The following ELF2 variants were observed in gnomAD, a reference collection of about 807,000 sequenced individuals.
ELF2 encodes ETS-related transcription factor Elf-2.
In ELF2, 11 loss-of-function variants were observed where a neutral mutation model predicts 54.8. The ratio of observed to expected loss-of-function variants is 0.20; its 90% confidence interval spans 0.13 to 0.33. The LOEUF (loss-of-function observed/expected upper bound fraction) is 0.33. Ranked by LOEUF, ELF2 falls within the 10% of genes least tolerant of loss-of-function variation. The pLI is 1.00. For missense variants in ELF2, 513 were observed against 703.0 expected, an observed-to-expected ratio of 0.73 and a Z score of 3.06; for synonymous variants, 203 against 245.1, an observed-to-expected ratio of 0.83 and a Z score of 1.61.
chr4:139,141,497 T>C (rs963820803), intron 1 of ELF2, among the ~76,000 whole-genome samples: 26 of 152,160 alleles, frequency 1.7e-4, no homozygotes, highest in African/African-American at 6.3e-4. Context: ...CCATATGTGT[T>C]GTACAGTCAA....
At chr4:139,150,905 G>A (rs1370918976) in intron 1 of ELF2, among the ~76,000 whole-genome samples, 4 of 151,276 alleles carry the variant, frequency 2.6e-5, no homozygotes, top group African/African-American at 9.8e-5. Flanking sequence ...GGCGCCTGTA[G>A]TCCCAGCTAC....
At chr4:139,074,454 A>G (rs1481583243) in intron 4 of ELF2, among the ~76,000 whole-genome samples, 1 of 152,106 alleles carries the variant, frequency 6.6e-6, no homozygotes, top group East Asian at 1.9e-4. Context: ...CAGCAGAGTC[A>G]AACAACCTCA....
chr4:139,146,915 T>C (rs1739276802), intron 1 of ELF2, among the ~76,000 whole-genome samples: 1 of 152,056 alleles, frequency 6.6e-6, no homozygotes, highest in South Asian at 2.1e-4. Context: ...CCTAAAACCA[T>C]AAAAGTCCTA....
At chr4:139,066,605 G>A (rs985302000) in intron 7 of ELF2, 6 of 152,046 alleles carry the variant, frequency 3.9e-5, no homozygotes, top group Non-Finnish European at 8.8e-5. Context: ...AGCAAAAATA[G>A]GCAAGGGGCA....
At chr4:139,059,719 A>C in intron 9 of ELF2, 112 bp from the exon 10 acceptor site, 1 of 1,287,160 alleles carries the variant, frequency 7.8e-7, no homozygotes, top group Non-Finnish European at 1.1e-6. Flanking sequence ...GTGCTCCCAA[A>C]TTTTACAGAG....
At chr4:139,067,867 G>T in intron 6 of ELF2, 97 bp from the exon 7 acceptor site, 1 of 1,168,332 alleles carries the variant, frequency 8.6e-7, no homozygotes, top group South Asian at 1.6e-5. Flanking sequence ...TCATTTAAAT[G>T]GATACTAATT....
intron 4 of ELF2, among the ~76,000 whole-genome samples, chr4:139,077,614 C>A (rs1394961566): frequency 6.6e-6 from 1 of 151,988 alleles, no homozygotes; most frequent in Non-Finnish European, 1.5e-5. Flanking sequence ...TAACTTTTAA[C>A]AGAAATTTAA....
intron 4 of ELF2, among the ~76,000 whole-genome samples, chr4:139,111,018 T>A (rs1462625786): frequency 6.6e-6 from 1 of 152,220 alleles, no homozygotes; most frequent in Non-Finnish European, 1.5e-5. Context: ...TAGTTGAATT[T>A]TTCAGTTTTT....
At chr4:139,062,883 G>A (rs1728088238) in intron 7 of ELF2, among the ~76,000 whole-genome samples, 1 of 152,146 alleles carries the variant, frequency 6.6e-6, no homozygotes, top group Non-Finnish European at 1.5e-5. Context: ...ATTATTAAGT[G>A]CAAACTACCC....
At chr4:139,162,829 G>A (rs1464179626) in intron 1 of ELF2, among the ~76,000 whole-genome samples, 1 of 152,032 alleles carries the variant, frequency 6.6e-6, no homozygotes, top group East Asian at 1.9e-4. Flanking sequence ...AGGCATAGTG[G>A]CTCACACCTG....
intron 1 of ELF2, among the ~76,000 whole-genome samples, chr4:139,168,486 C>T (rs1278594002): frequency 6.6e-6 from 1 of 152,122 alleles, no homozygotes; most frequent in Non-Finnish European, 1.5e-5. Context: ...ATTTAAGGAA[C>T]AGACAAAAAC....
intron 3 of ELF2, among the ~76,000 whole-genome samples, chr4:139,130,858 G>T (rs1330489600): frequency 6.6e-6 from 1 of 152,120 alleles, no homozygotes; most frequent in South Asian, 2.1e-4. Context: ...GCTCATCTAT[G>T]GAGGCAAGTA....
chr4:139,068,081 C>T (rs766110621), intron 6 of ELF2, among the ~76,000 whole-genome samples: 52 of 151,688 alleles, frequency 3.4e-4, no homozygotes, highest in Non-Finnish European at 6.6e-4. Flanking sequence ...GGCTGGAGTG[C>T]ACGATCTCCG....
intron 1 of ELF2, among the ~76,000 whole-genome samples, chr4:139,164,956 GAC>G (rs1741576681): frequency 6.6e-6 from 1 of 152,080 alleles, no homozygotes; most frequent in South Asian, 2.1e-4. Context: ...CATAACCTTG[GAC>G]ACACACTCTT....
chr4:139,138,915 AT>A (rs1238027586), intron 2 of ELF2, among the ~76,000 whole-genome samples: 16 of 152,150 alleles, frequency 1.1e-4, no homozygotes, highest in South Asian at 6.2e-4. Context: ...AACCTCTCAC[AT>A]TTTTTCCCCT....
At chr4:139,109,337 C>T (rs577601764) in intron 4 of ELF2, among the ~76,000 whole-genome samples, 5 of 152,166 alleles carry the variant, frequency 3.3e-5, no homozygotes, top group East Asian at 1.9e-4. Flanking sequence ...CGGCATGAGA[C>T]GAGCAGCATT....
chr4:139,073,253 T>C (rs1237683280), intron 5 of ELF2, among the ~76,000 whole-genome samples: 1 of 152,250 alleles, frequency 6.6e-6, no homozygotes, highest in Non-Finnish European at 1.5e-5. Flanking sequence ...GGGTATTTTC[T>C]GTATCATTTG....
At chr4:139,140,648 G>A (rs960164860) in intron 1 of ELF2, among the ~76,000 whole-genome samples, 1 of 151,928 alleles carries the variant, frequency 6.6e-6, no homozygotes, top group African/African-American at 2.4e-5. Context: ...CAGCTACTTG[G>A]TAGGCTGAGG....
chr4:139,144,882 C>G (rs942113035), intron 1 of ELF2, among the ~76,000 whole-genome samples: 2 of 152,236 alleles, frequency 1.3e-5, no homozygotes, highest in South Asian at 2.1e-4. Context: ...CCAAGCCCCC[C>G]ACCTGGCTTT....
Sources: allele counts gnomAD v4.1 joint callset (sites outside exome capture counted in the v4.1 genomes callset), GRCh38; gene constraint gnomAD v4.1.1; transcripts MANE v1.5; gene names NCBI Gene and HGNC (gene_info 2026-07-23, HGNC 2026-07-21).